LRP1B: variants seen among roughly 807,000 people sequenced by gnomAD.
LRP1B encodes low-density lipoprotein receptor-related protein 1B.
LRP1B carries 217 observed loss-of-function variants against 556.6 expected under a neutral mutation model. That is an observed-to-expected ratio of 0.39 (90% CI 0.35 to 0.44). LRP1B has a LOEUF of 0.44. LRP1B is among the 20% of genes least tolerant of loss of function. The pLI is 1.00. For missense variants in LRP1B, 5,053 were observed against 5,620.8 expected, an observed-to-expected ratio of 0.90 and a Z score of 3.23; for synonymous variants, 2,047 against 1,865.8, an observed-to-expected ratio of 1.10 and a Z score of -2.50.
chr2:141,872,980 G>A (rs151270595), intron 1 of LRP1B, among the ~76,000 whole-genome samples: 71 of 152,100 alleles, frequency 4.7e-4, no homozygotes, highest in African/African-American at 1.6e-3. Flanking sequence ...TGAGGAATCT[G>A]CTAGAAAAAA....
At chr2:140,937,442 G>A (rs910140369) in intron 20 of LRP1B, among the ~76,000 whole-genome samples, 32 of 152,122 alleles carry the variant, frequency 2.1e-4, no homozygotes, top group African/African-American at 7.7e-4. Flanking sequence ...CTGGGAGCTA[G>A]AGATAAGGAA....
At chr2:140,500,063 C>T (rs1328802974) in intron 55 of LRP1B, among the ~76,000 whole-genome samples, 2 of 151,932 alleles carry the variant, frequency 1.3e-5, no homozygotes, top group African/African-American at 4.8e-5. Flanking sequence ...GATGCATGCT[C>T]ATCTCATTAA....
intron 1 of LRP1B, among the ~76,000 whole-genome samples, chr2:142,026,617 G>A (rs1703514206): frequency 1.3e-5 from 2 of 152,042 alleles, no homozygotes; most frequent in Non-Finnish European, 2.9e-5. Context: ...TCTAGACAGT[G>A]ATGCCAGTTG....
intron 3 of LRP1B, among the ~76,000 whole-genome samples, chr2:141,437,003 G>C (rs1680788390): frequency 6.6e-6 from 1 of 152,084 alleles, no homozygotes; most frequent in Non-Finnish European, 1.5e-5. Flanking sequence ...ATATGCAGCA[G>C]TTGCTAACTC....
rs1680150890 is a variant in LRP1B, at chr2:140,541,915, A to G, written c.7251T>C (p.Tyr2417=). The change falls in exon 44 of 91, where the codon TAT becomes TAC. Residue 2417 remains tyrosine, a synonymous_variant. Transcript: ENST00000389484. ...TFLSLAVYDN[Y]IFWSDWGRRA... ...TTCTTCCCCAGTCCGACCAGAATATATAATTGTCATAAACAGCCAAACTGA... is the reference window on the plus strand; with the variant it reads ...TTCTTCCCCAGTCCGACCAGAATATGTAATTGTCATAAACAGCCAAACTGA... 2 of 1,611,996 alleles carry G rather than the reference A, an allele frequency of 1.2e-6. No homozygotes were observed. Among genetic ancestry groups the G allele is most frequent in the African/African-American group, 1.3e-5 (1 of 74,960 alleles).
chr2:141,728,459 CT>C (rs973120605), intron 2 of LRP1B, among the ~76,000 whole-genome samples: 6 of 151,948 alleles, frequency 3.9e-5, no homozygotes, highest in Admixed American at 3.3e-4. Context: ...TTCTATTTTA[CT>C]TTTTTTTAAT....
At chr2:140,748,299 TTC>T (rs1688401650) in intron 35 of LRP1B, among the ~76,000 whole-genome samples, 1 of 74,116 alleles carries the variant, frequency 1.3e-5, no homozygotes, top group Non-Finnish European at 2.9e-5. Flanking sequence ...TGTATATATA[TTC>T]ATATATTATA....
intron 3 of LRP1B, among the ~76,000 whole-genome samples, chr2:141,340,574 T>C (rs761293457): frequency 1.3e-5 from 2 of 152,172 alleles, no homozygotes; most frequent in South Asian, 4.1e-4. Flanking sequence ...CCATTACAAA[T>C]GTTCTAAAAG....
chr2:140,989,287 G>A (rs1047887687), intron 17 of LRP1B, among the ~76,000 whole-genome samples: 7 of 152,048 alleles, frequency 4.6e-5, no homozygotes, highest in African/African-American at 1.7e-4. Context: ...GTAGTGTGTC[G>A]ACAGTCAACC....
intron 2 of LRP1B, among the ~76,000 whole-genome samples, chr2:141,568,654 C>A (rs1292661145): frequency 6.6e-6 from 1 of 150,802 alleles, no homozygotes; most frequent in African/African-American, 2.4e-5. Context: ...CTTGGACAAA[C>A]TAACTATATA....
intron 7 of LRP1B, among the ~76,000 whole-genome samples, chr2:141,117,280 T>A (rs1375876883): frequency 6.6e-6 from 1 of 151,082 alleles, no homozygotes; most frequent in Non-Finnish European, 1.5e-5. Context: ...TCATTTTAAG[T>A]GTGGTTGAGT....
Position 140,516,967 on chromosome 2 carries a change from T to C in LRP1B, c.8071A>G (p.Ser2691Gly). The change falls in exon 50 of 91, where the codon AGT becomes GGT. Residue 2691 changes from serine (S) to glycine (G), a missense_variant. Ser to Gly is a moderately conservative substitution (Grantham distance 56, BLOSUM62 0). Coordinates refer to ENST00000389484, the MANE Select transcript of LRP1B (RefSeq NM_018557.3). ...CAGGTATTCAAAATGCATCTTCCAC[T>C]AGGACAACTAAAATAATTTTCTTCA... ...KCEENYFSCP[S>G]GRCILNTWIC... is the part of the protein sequence containing the mutation. 35 of 1,601,150 alleles carry C rather than the reference T, an allele frequency of 2.2e-5. No homozygotes were observed. Among genetic ancestry groups the C allele is most frequent in the Middle Eastern group, 3.3e-4 (2 of 6,028 alleles).
At chr2:140,642,711 G>A (rs913722823) in intron 41 of LRP1B, among the ~76,000 whole-genome samples, 19 of 152,144 alleles carry the variant, frequency 1.2e-4, no homozygotes, top group Admixed American at 1.1e-3. Flanking sequence ...GGGCATGGTG[G>A]CGGGCGCCTG....
intron 18 of LRP1B, among the ~76,000 whole-genome samples, chr2:140,959,924 C>T (rs992330240): frequency 6.6e-6 from 1 of 151,624 alleles, no homozygotes; most frequent in Non-Finnish European, 1.5e-5. Context: ...TATATAAGCA[C>T]AAGGAATAGA....
intron 3 of LRP1B, among the ~76,000 whole-genome samples, chr2:141,349,847 T>C (rs867662623): frequency 4.6e-5 from 7 of 152,062 alleles, no homozygotes; most frequent in South Asian, 2.1e-4. Context: ...AAGAGTATAA[T>C]AGTCAAGATA....
intron 18 of LRP1B, among the ~76,000 whole-genome samples, chr2:140,960,152 C>T (rs1417511263): frequency 6.6e-6 from 1 of 151,728 alleles, no homozygotes; most frequent in Non-Finnish European, 1.5e-5. Context: ...CTTGACTCTG[C>T]TCAGGCTACC....
At chr2:140,541,645 ACAGT>A (rs1446349860) in intron 44 of LRP1B, 130 bp downstream of exon 44, 2 of 690,660 alleles carry the variant, frequency 2.9e-6, no homozygotes, top group Non-Finnish European at 4.4e-6. Flanking sequence ...AACAAAATCC[ACAGT>A]CATAGTAACA....
At chr2:140,991,620 A>T (rs543381148) in intron 16 of LRP1B, among the ~76,000 whole-genome samples, 1 of 152,126 alleles carries the variant, frequency 6.6e-6, no homozygotes, top group African/African-American at 2.4e-5. Context: ...ATATTAATCT[A>T]TTAGATGTAC....
intron 1 of LRP1B, among the ~76,000 whole-genome samples, chr2:141,919,604 C>T (rs565613951): frequency 8.9e-4 from 136 of 152,022 alleles, no homozygotes; most frequent in Non-Finnish European, 1.6e-3. Flanking sequence ...CAGATTAAGT[C>T]TACAAATGAA....
Sources: gnomAD v4.1 joint callset for allele counts (sites outside exome capture counted in the v4.1 genomes callset) on GRCh38, gnomAD v4.1.1 for gene constraint, MANE v1.5 for transcripts, NCBI Gene and HGNC (gene_info 2026-07-23, HGNC 2026-07-21) for gene names.